The following EDC3 variants were observed in gnomAD, a reference collection of about 807,000 sequenced individuals.
EDC3 encodes enhancer of mRNA-decapping protein 3.
EDC3 carries 20 observed loss-of-function variants against 41.8 expected under a neutral mutation model. That is an observed-to-expected ratio of 0.48 (90% CI 0.34 to 0.70). The LOEUF is 0.70. Among genes scored for constraint, EDC3 ranks in the 30% least tolerant of loss-of-function variants. The pLI is 0.01. For synonymous variants in EDC3, 206 were observed against 243.2 expected, an observed-to-expected ratio of 0.85 and a Z score of 1.42; for missense variants, 444 against 636.8, an observed-to-expected ratio of 0.70 and a Z score of 3.26.
intron 6 of EDC3, 47 bp downstream of exon 6, chr15:74,635,362 G>A (rs2062259174): frequency 6.4e-7 from 1 of 1,573,788 alleles, no homozygotes; most frequent in Non-Finnish European, 8.7e-7. Context: ...CCATCAAACT[G>A]CTAAGGAGGG....
intron 1 of EDC3, among the ~76,000 whole-genome samples, chr15:74,677,511 G>A (rs2062820408): frequency 1.3e-5 from 2 of 151,726 alleles, no homozygotes; most frequent in African/African-American, 4.8e-5. Flanking sequence ...CTACAGACAC[G>A]TGCCACCACA....
chr15:74,637,128 T>C (rs2062283945), intron 5 of EDC3: 1 of 152,244 alleles, frequency 6.6e-6, no homozygotes, highest in Non-Finnish European at 1.5e-5. Context: ...CATTAAATTA[T>C]GTTGTGAAAG....
chr15:74,674,722 T>G, intron 2 of EDC3: 1 of 477,552 alleles, frequency 2.1e-6, no homozygotes, highest in Non-Finnish European at 3.8e-6. Flanking sequence ...AAAGAGGAAA[T>G]AAACAGTATA....
intron 6 of EDC3, 36 bp downstream of exon 6, chr15:74,635,373 A>T: frequency 6.3e-7 from 1 of 1,593,008 alleles, no homozygotes; most frequent in Non-Finnish European, 8.6e-7. Flanking sequence ...CTAAGGAGGG[A>T]GGAGGCCTTC....
At chr15:74,649,200 G>T (rs2062452132) in intron 4 of EDC3, among the ~76,000 whole-genome samples, 1 of 151,762 alleles carries the variant, frequency 6.6e-6, no homozygotes, top group Admixed American at 6.6e-5. Context: ...AAGTAGCTGG[G>T]ACTACAGGCA....
At chr15:74,641,751 GACTGTCAAC>G (rs1159383958) in intron 4 of EDC3, 2 of 153,132 alleles carry the variant, frequency 1.3e-5, no homozygotes, top group African/African-American at 4.8e-5. Flanking sequence ...AATTATACTG[GACTGTCAAC>G]TGCCTGAGGT....
chr15:74,668,722 A>AAACG (rs2062705200), intron 3 of EDC3, among the ~76,000 whole-genome samples: 1 of 51,858 alleles, frequency 1.9e-5, no homozygotes, highest in Non-Finnish European at 3.0e-5. Context: ...CCTGTCTCAA[A>AAACG]AATGAATGAA....
rs73434471 is a variant in EDC3, at chr15:74,652,685, G to A, written c.820+3048C>T. Among the ~76,000 whole-genome samples, 995 of 151,632 alleles carry A rather than the reference G, an allele frequency of 6.6e-3. 11 individuals are homozygous for A. Among genetic ancestry groups the A allele is most frequent in the African/African-American group, 0.023 (962 of 41,358 alleles). On this transcript the variant is annotated intron_variant, in intron 4 of 6. Coordinates refer to ENST00000315127, the MANE Select transcript of EDC3 (RefSeq NM_025083.5). ...CAGCCGCAACCTCATGGGCTCAGAC[G>A]CTCCTACTTCAGCCTCCTGAGTAGC...
chr15:74,690,784 C>G (rs557500344), intron 1 of EDC3, among the ~76,000 whole-genome samples: 1 of 152,020 alleles, frequency 6.6e-6, no homozygotes, highest in African/African-American at 2.4e-5. Flanking sequence ...GTTTCCACCC[C>G]CACCCCGCCT....
chr15:74,667,552 C>A (rs2062691216), intron 3 of EDC3, among the ~76,000 whole-genome samples: 1 of 146,448 alleles, frequency 6.8e-6, no homozygotes. Flanking sequence ...AAGCATCTTT[C>A]AGTGTGAGAA....
intron 4 of EDC3, among the ~76,000 whole-genome samples, chr15:74,652,259 G>A (rs1259029498): frequency 6.8e-6 from 1 of 146,008 alleles, no homozygotes; most frequent in Non-Finnish European, 1.5e-5. Context: ...ACAGAGTCTC[G>A]CTCTGTCACC....
chr15:74,632,249 G>T lies in EDC3; in HGVS notation c.*363C>A. The T allele has an allele frequency of 3.4e-6, 1 of 291,130 alleles. No individual in the cohort carries two copies. Among genetic ancestry groups the T allele is most frequent in the South Asian group, 4.5e-5 (1 of 22,434 alleles). The allele number at this position is 291,130 out of a possible 1,614,324, so 18.0% of individuals were successfully genotyped here. On this transcript the variant is annotated 3_prime_UTR_variant, in exon 7 of 7. Coordinates refer to ENST00000315127, the MANE Select transcript of EDC3 (RefSeq NM_025083.5). The surrounding 1 kb of genome is among the most constrained non-coding windows in gnomAD (Gnocchi z 4.0). ...GAAATAGAGCAGGTACAGGCCCCCAGACAGGACCTGGCCCACTCTTCAATG... is the reference window on the plus strand; with the variant it reads ...GAAATAGAGCAGGTACAGGCCCCCATACAGGACCTGGCCCACTCTTCAATG...
chr15:74,676,763 T>C (rs899116272), intron 1 of EDC3, among the ~76,000 whole-genome samples: 1 of 152,130 alleles, frequency 6.6e-6, no homozygotes, highest in Non-Finnish European at 1.5e-5. Context: ...TACCAAGAAC[T>C]CTTAAAACTC....
chr15:74,687,426 T>A (rs374498187), intron 1 of EDC3, among the ~76,000 whole-genome samples: 1 of 152,256 alleles, frequency 6.6e-6, no homozygotes, highest in East Asian at 1.9e-4. Context: ...CAGGCTAGAG[T>A]GCAGTGGCGC....
intron 4 of EDC3, among the ~76,000 whole-genome samples, chr15:74,645,635 A>T (rs2141594166): frequency 6.7e-6 from 1 of 148,370 alleles, no homozygotes; most frequent in Non-Finnish European, 1.5e-5. Context: ...TGGGAAGCCA[A>T]GGGTGGGCAG....
intron 4 of EDC3, among the ~76,000 whole-genome samples, chr15:74,649,260 G>A (rs537250134): frequency 6.0e-5 from 9 of 151,130 alleles, no homozygotes; most frequent in South Asian, 2.1e-4. Context: ...TAGTAGAGAC[G>A]GGGTTTCACC....
At chr15:74,670,010 AT>A (rs757043746) in intron 3 of EDC3, among the ~76,000 whole-genome samples, 321 of 116,354 alleles carry the variant, frequency 2.8e-3, no homozygotes, top group African/African-American at 9.1e-3. Flanking sequence ...CGCCCAGCTA[AT>A]TTTTTTTTTT....
At chr15:74,673,544 T>A (rs749202100) in intron 2 of EDC3, among the ~76,000 whole-genome samples, 2 of 15,412 alleles carry the variant, frequency 1.3e-4, no homozygotes, top group Non-Finnish European at 2.3e-4. Flanking sequence ...AATTAAAGAT[T>A]TGAGGTCTTG....
chr15:74,646,128 A>G (rs915872281), intron 4 of EDC3, among the ~76,000 whole-genome samples: 5 of 148,828 alleles, frequency 3.4e-5, no homozygotes, highest in African/African-American at 1.2e-4. Context: ...GCTGGAGTGC[A>G]ATGGTATGAT....
Sources: allele counts gnomAD v4.1 joint callset (sites outside exome capture counted in the v4.1 genomes callset), GRCh38; gene constraint gnomAD v4.1.1; non-coding constraint Gnocchi (gnomAD v3.1); transcripts MANE v1.5; gene names NCBI Gene and HGNC (gene_info 2026-07-23, HGNC 2026-07-21).